The following CADPS2 variants were observed in gnomAD, a reference collection of about 807,000 sequenced individuals.
CADPS2 encodes the protein calcium-dependent secretion activator 2.
In CADPS2, 93 loss-of-function variants were observed where a neutral mutation model predicts 172.5. That is an observed-to-expected ratio of 0.54 (90% CI 0.46 to 0.64). The LOEUF (loss-of-function observed/expected upper bound fraction) is 0.64. Among genes scored for constraint, CADPS2 ranks in the 30% least tolerant of loss-of-function variants. The pLI, the probability that CADPS2 is intolerant of heterozygous loss-of-function variation, is 0.00. For synonymous variants in CADPS2, 546 were observed against 555.2 expected, an observed-to-expected ratio of 0.98 and a Z score of 0.23; for missense variants, 1,420 against 1,565.9, an observed-to-expected ratio of 0.91 and a Z score of 1.57.
intron 1 of CADPS2, among the ~76,000 whole-genome samples, chr7:122,799,580 G>A (rs1797147308): frequency 6.7e-6 from 1 of 149,022 alleles, no homozygotes; most frequent in Non-Finnish European, 1.5e-5. Context: ...CTCCAGCCTG[G>A]GTGACAGAGC....
intron 1 of CADPS2, among the ~76,000 whole-genome samples, chr7:122,821,053 CTT>C (rs1413173366): frequency 2.6e-5 from 4 of 152,056 alleles, no homozygotes; most frequent in African/African-American, 4.8e-5. Flanking sequence ...TATACTCACT[CTT>C]TGTTGAGTCT....
At chr7:122,388,075 A>G (rs1272403904) in intron 23 of CADPS2, among the ~76,000 whole-genome samples, 1 of 152,128 alleles carries the variant, frequency 6.6e-6, no homozygotes, top group Non-Finnish European at 1.5e-5. Flanking sequence ...ATGAAGCCTC[A>G]TAACTTATTT....
intron 1 of CADPS2, among the ~76,000 whole-genome samples, chr7:122,864,863 A>C (rs1817880338): frequency 6.6e-6 from 1 of 152,170 alleles, no homozygotes; most frequent in Non-Finnish European, 1.5e-5. Flanking sequence ...TGACATTGAC[A>C]TTCCAGCCAG....
At chr7:122,715,608 G>C (rs551582020) in intron 2 of CADPS2, among the ~76,000 whole-genome samples, 2 of 151,954 alleles carry the variant, frequency 1.3e-5, no homozygotes, top group African/African-American at 4.8e-5. Context: ...CCTGTAAAAC[G>C]AAAGCTGCTT....
At chr7:122,687,340 A>G (rs973998255) in intron 2 of CADPS2, among the ~76,000 whole-genome samples, 1 of 152,064 alleles carries the variant, frequency 6.6e-6, no homozygotes, top group African/African-American at 2.4e-5. Flanking sequence ...TTTTTCTTCC[A>G]CTGTGCATTT....
chr7:122,512,844 A>C (rs890971017), intron 9 of CADPS2, among the ~76,000 whole-genome samples: 10 of 152,160 alleles, frequency 6.6e-5, no homozygotes, highest in Non-Finnish European at 1.3e-4. Flanking sequence ...CTACGAGGTC[A>C]AAACTGTCTT....
chr7:122,531,129 C>G (rs990446401), intron 8 of CADPS2, among the ~76,000 whole-genome samples: 2 of 152,190 alleles, frequency 1.3e-5, no homozygotes, highest in African/African-American at 4.8e-5. Flanking sequence ...TCAGTGACAG[C>G]AAGCTGTACT....
intron 1 of CADPS2, among the ~76,000 whole-genome samples, chr7:122,761,996 CA>C (rs1163039605): frequency 0.11 from 7,619 of 66,850 alleles, 248 homozygotes; most frequent in East Asian, 0.19. Context: ...GACTCTGCCT[CA>C]AAAAAAAAAA....
chr7:122,452,553 G>A (rs1051959226), intron 14 of CADPS2, among the ~76,000 whole-genome samples: 1 of 152,094 alleles, frequency 6.6e-6, no homozygotes, highest in Non-Finnish European at 1.5e-5. Context: ...CTGTCACTAT[G>A]CTTGGCTAAT....
intron 1 of CADPS2, among the ~76,000 whole-genome samples, chr7:122,847,369 G>C (rs1051121748): frequency 1.3e-5 from 2 of 152,150 alleles, no homozygotes; most frequent in South Asian, 2.1e-4. Context: ...TTACAGGTGT[G>C]AGCCACCGTG....
chr7:122,394,700 G>C (rs184025453), intron 20 of CADPS2, among the ~76,000 whole-genome samples: 2 of 152,202 alleles, frequency 1.3e-5, no homozygotes, highest in African/African-American at 4.8e-5. Context: ...GACTGAGGGA[G>C]GGGGAGGGGC....
At position 122,759,142 on chromosome 7, in the gene CADPS2, T is replaced by A. The variant is rs547148795; in HGVS notation, c.340-22074A>T. On this transcript the variant is annotated intron_variant, in intron 1 of 29. Transcript: ENST00000449022. ...TTTCCCTCTAAGTGGAGAATCACAG[T>A]CCATAGTTTTAGCAGCCATTGCCAA... 2.4e-4 allele frequency among the ~76,000 whole-genome samples: 37 copies of A among 152,250 alleles called. 1 individual carries two copies. In the South Asian group the frequency reaches 7.7e-3, roughly 32 times the overall value.
At chr7:122,433,083 C>T (rs1045305520) in intron 17 of CADPS2, among the ~76,000 whole-genome samples, 11 of 152,136 alleles carry the variant, frequency 7.2e-5, no homozygotes, top group African/African-American at 4.8e-5. Flanking sequence ...ACGCAGTCCT[C>T]CTGCCTCAGC....
chr7:122,603,078 A>T (rs73218236), intron 6 of CADPS2, among the ~76,000 whole-genome samples: 36,839 of 152,010 alleles, frequency 0.24, 5,032 homozygotes, highest in East Asian at 0.38. Context: ...AATGACATCA[A>T]CTGAGACACA....
intron 12 of CADPS2, among the ~76,000 whole-genome samples, chr7:122,478,305 T>G (rs1406022746): frequency 6.6e-6 from 1 of 152,230 alleles, no homozygotes; most frequent in Non-Finnish European, 1.5e-5. Context: ...TGAAACAATA[T>G]GACAACTATC....
chr7:122,357,042 C>T (rs936028817), intron 27 of CADPS2, among the ~76,000 whole-genome samples: 12 of 152,156 alleles, frequency 7.9e-5, no homozygotes, highest in African/African-American at 2.9e-4. Context: ...AGCACATTAA[C>T]GCATGCATAT....
At chr7:122,686,582 C>A (rs2083654946) in intron 2 of CADPS2, among the ~76,000 whole-genome samples, 1 of 152,158 alleles carries the variant, frequency 6.6e-6, no homozygotes, top group Non-Finnish European at 1.5e-5. Context: ...CTAACAAGTT[C>A]CCAGGTGATG....
At chr7:122,835,512 A>G (rs1808094789) in intron 1 of CADPS2, among the ~76,000 whole-genome samples, 1 of 152,178 alleles carries the variant, frequency 6.6e-6, no homozygotes, top group African/African-American at 2.4e-5. Context: ...TTCGAACCCA[A>G]CGCAAAGAAG....
intron 9 of CADPS2, among the ~76,000 whole-genome samples, chr7:122,497,527 T>A (rs940343233): frequency 6.6e-6 from 1 of 152,204 alleles, no homozygotes; most frequent in Non-Finnish European, 1.5e-5. Context: ...AGTGCTTTAC[T>A]TCCATTACCC....
Sources: allele counts gnomAD v4.1 joint callset (sites outside exome capture counted in the v4.1 genomes callset), GRCh38; gene constraint gnomAD v4.1.1; transcripts MANE v1.5; gene names NCBI Gene and HGNC (gene_info 2026-07-23, HGNC 2026-07-21).